Variants in KDM6A observed in about 807,000 individuals in gnomAD.
KDM6A encodes lysine demethylase 6A.
KDM6A carries 11 observed loss-of-function variants against 117.6 expected under a neutral mutation model. The observed-to-expected ratio is 0.09, with a 90% CI of 0.06 to 0.15. The LOEUF is 0.15. Ranked by LOEUF, KDM6A falls within the 10% of genes least tolerant of loss-of-function variation. KDM6A has a pLI of 1.00. For missense variants in KDM6A, 799 were observed against 1,077.3 expected (o/e 0.74, Z 3.62); for synonymous variants, 384 against 396.1 (o/e 0.97, Z 0.36).
chrX:44,905,468 G>A (rs1353678696), intron 2 of KDM6A, among the ~76,000 whole-genome samples: 3 of 112,013 alleles, frequency 2.7e-5, no homozygotes, highest in Non-Finnish European at 5.6e-5. Context: ...ACTCTATTGT[G>A]TTTGCAGAGG....
At chrX:44,894,377 T>C (rs2033627652) in intron 2 of KDM6A, among the ~76,000 whole-genome samples, 1 of 111,604 alleles carries the variant, frequency 9.0e-6, no homozygotes, top group Non-Finnish European at 1.9e-5. Context: ...ATTTTGGTAG[T>C]AGTTATAGGA....
Position 45,085,948 on chromosome X carries a change from T to C in KDM6A, c.3673T>C (p.Tyr1225His), listed in dbSNP as rs975459238. ...DCEWFVVPEG[Y>H]WGVLNDFCEK... Reference sequence around the variant, plus strand: ...TGAATGGTTTGTTGTTCCTGAAGGTTACTGGGGTGTTCTGAATGACTTCTG... The same window carrying C: ...TGAATGGTTTGTTGTTCCTGAAGGTCACTGGGGTGTTCTGAATGACTTCTG... The change falls in exon 25 of 30, where the codon TAC becomes CAC. Residue 1225 changes from tyrosine to histidine, a missense_variant. Physicochemically the swap from Tyr to His is moderately conservative, Grantham distance 83. Transcript: ENST00000611820. 8.4e-7 allele frequency: 1 copy of C among 1,190,220 alleles called. No individual in the cohort carries two copies. The highest frequency in any genetic ancestry group is 1.1e-6 in the Non-Finnish European group (1 of 877,264).
chrX:45,049,368 GT>G (rs1438436135), intron 8 of KDM6A, among the ~76,000 whole-genome samples: 1 of 111,354 alleles, frequency 9.0e-6, no homozygotes, highest in Non-Finnish European at 1.9e-5. Context: ...TATGATTTGT[GT>G]TTTTTTGGTC....
chrX:44,905,775 G>A (rs2034613516), intron 2 of KDM6A, among the ~76,000 whole-genome samples: 1 of 112,277 alleles, frequency 8.9e-6, no homozygotes, highest in African/African-American at 3.2e-5. Context: ...TTTATTTATA[G>A]TGTAACATTT....
At chrX:45,017,470 C>A (rs1198460734) in intron 5 of KDM6A, among the ~76,000 whole-genome samples, 10 of 111,308 alleles carry the variant, frequency 9.0e-5, no homozygotes, top group African/African-American at 3.3e-4. Context: ...ACTCTTAACT[C>A]CAAATCCACC....
At chrX:45,004,901 A>G (rs2041353569) in intron 4 of KDM6A, among the ~76,000 whole-genome samples, 1 of 110,545 alleles carries the variant, frequency 9.0e-6, no homozygotes, top group Non-Finnish European at 1.9e-5. Context: ...ACCCAAGTGT[A>G]TAACTGAGGT....
chrX:45,052,240 A>G (rs1324770046), intron 9 of KDM6A, among the ~76,000 whole-genome samples: 1 of 112,270 alleles, frequency 8.9e-6, no homozygotes, highest in African/African-American at 3.2e-5. Context: ...AATGTGGGAC[A>G]TGAGGGAATC....
rs192865337 is a variant in KDM6A, at chrX:45,079,601, T to C, written c.3300+250T>C. On this transcript the variant is annotated intron_variant, in intron 21 of 29. Transcript: ENST00000611820. ...ATCTGTCGCCTAGGCTAGAGCGCAG[T>C]GGCACGATCTTGGCTCACTGCACCC... 3.8e-3 allele frequency among the ~76,000 whole-genome samples: 423 copies of C among 112,010 alleles called. No individual in the cohort carries two copies. The highest frequency in any genetic ancestry group is 0.013 in the African/African-American group (401 of 30,856).
chrX:45,055,260 A>T (rs1326759781), intron 10 of KDM6A, among the ~76,000 whole-genome samples: 1 of 111,146 alleles, frequency 9.0e-6, no homozygotes, highest in Non-Finnish European at 1.9e-5. Flanking sequence ...TGTATGAGAC[A>T]TTAATTTTAA....
At chrX:45,009,362 A>G (rs1332971361) in intron 4 of KDM6A, among the ~76,000 whole-genome samples, 1 of 112,139 alleles carries the variant, frequency 8.9e-6, no homozygotes, top group Non-Finnish European at 1.9e-5. Flanking sequence ...ATACTAATGC[A>G]TTATAATTAG....
chrX:44,924,235 G>A (rs975360125), intron 2 of KDM6A, among the ~76,000 whole-genome samples: 4 of 111,837 alleles, frequency 3.6e-5, no homozygotes, highest in African/African-American at 1.3e-4. Flanking sequence ...ATAGTTTCTT[G>A]ATTGTTCTCA....
At chrX:45,063,936 G>A in intron 17 of KDM6A, 119 bp downstream of exon 17, 1 of 670,574 alleles carries the variant, frequency 1.5e-6, no homozygotes, top group African/African-American at 2.1e-5. Context: ...GAATTTTGTG[G>A]CACTACAATG....
chrX:45,016,681 G>A (rs1375446926), intron 5 of KDM6A, among the ~76,000 whole-genome samples: 1 of 110,454 alleles, frequency 9.1e-6, no homozygotes, highest in African/African-American at 3.3e-5. Context: ...TGTATTTTTA[G>A]TAGAGATGGG....
At chrX:44,882,766 T>A (rs1312522151) in intron 2 of KDM6A, among the ~76,000 whole-genome samples, 1 of 111,576 alleles carries the variant, frequency 9.0e-6, no homozygotes, top group African/African-American at 3.3e-5. Flanking sequence ...CTTGATTGAT[T>A]GGTGAAACAT....
chrX:45,040,540 A>G (rs1602684126), intron 8 of KDM6A, among the ~76,000 whole-genome samples: 2 of 45,173 alleles, frequency 4.4e-5, no homozygotes, highest in African/African-American at 1.8e-4. Flanking sequence ...CTGGCCGGGC[A>G]GAGGGGCTCC....
intron 4 of KDM6A, among the ~76,000 whole-genome samples, chrX:45,002,147 G>A (rs950772062): frequency 2.7e-5 from 3 of 109,968 alleles, no homozygotes; most frequent in African/African-American, 9.9e-5. Context: ...TTTTTAGACC[G>A]AAGAAAGCCA....
At position 45,111,954 on chromosome X, in the gene KDM6A, T is replaced by G. The variant is rs969989810; in HGVS notation, c.*543T>G. On this transcript the variant is annotated 3_prime_UTR_variant, in exon 30 of 30. Transcript: ENST00000611820. ...TACACTTTTGGTTCCTAAATAAAATTTAAAAAATTAACAGCCAAGTCACAA... is the reference window on the plus strand; with the variant it reads ...TACACTTTTGGTTCCTAAATAAAATGTAAAAAATTAACAGCCAAGTCACAA... The G allele has an allele frequency of 5.8e-6, 1 of 171,575 alleles. No individual in the cohort carries two copies. Among genetic ancestry groups the G allele is most frequent in the Non-Finnish European group, 1.1e-5 (1 of 89,047 alleles). 14.1% of individuals were successfully genotyped at this position (171,575 alleles called of 1,213,427 possible). A position where few individuals can be genotyped will look rare whatever the true frequency, so the allele number is the denominator to read the frequency against.
chrX:44,923,787 A>G (rs374207028), intron 2 of KDM6A, among the ~76,000 whole-genome samples: 3 of 110,814 alleles, frequency 2.7e-5, no homozygotes, highest in African/African-American at 9.9e-5. Flanking sequence ...CAGTGATGCA[A>G]TCTCGGCTCA....
At chrX:44,978,003 G>A (rs2039697576) in intron 4 of KDM6A, among the ~76,000 whole-genome samples, 1 of 111,893 alleles carries the variant, frequency 8.9e-6, no homozygotes, top group African/African-American at 3.2e-5. Context: ...TTTGAGATTT[G>A]TTGTTTTGCT....
Sources: allele counts gnomAD v4.1 joint callset (sites outside exome capture counted in the v4.1 genomes callset), GRCh38; gene constraint gnomAD v4.1.1; transcripts MANE v1.5; gene names NCBI Gene and HGNC (gene_info 2026-07-23, HGNC 2026-07-21).